SDK1: variants seen among roughly 807,000 people sequenced by gnomAD.
SDK1 encodes the protein protein sidekick-1.
In SDK1, 157 loss-of-function variants were observed where a neutral mutation model predicts 245.5. That is an observed-to-expected ratio of 0.64 (90% CI 0.56 to 0.73). The LOEUF is 0.73. SDK1 is among the 30% of genes least tolerant of loss of function. The pLI, the probability that SDK1 is intolerant of heterozygous loss-of-function variation, is 0.00. For synonymous variants in SDK1, 1,647 were observed against 1,278.5 expected (o/e 1.29, Z -6.15); for missense variants, 3,583 against 3,002.3 (o/e 1.19, Z -4.52).
intron 4 of SDK1, among the ~76,000 whole-genome samples, chr7:3,786,435 T>C (rs1780901697): frequency 6.6e-6 from 1 of 152,174 alleles, no homozygotes; most frequent in Admixed American, 6.5e-5. Flanking sequence ...ACCAGATAGT[T>C]TTGTGTTCAG....
chr7:3,980,966 A>T (rs1350602810), intron 13 of SDK1, among the ~76,000 whole-genome samples: 1 of 152,142 alleles, frequency 6.6e-6, no homozygotes, highest in Non-Finnish European at 1.5e-5. Context: ...GAAAAAAAGA[A>T]ATAGTTTATA....
At chr7:3,632,210 G>A (rs747423575) in intron 2 of SDK1, among the ~76,000 whole-genome samples, 18 of 152,174 alleles carry the variant, frequency 1.2e-4, no homozygotes, top group Middle Eastern at 3.2e-3. Flanking sequence ...GACGGTTCTA[G>A]TCATCTGTGC....
chr7:4,055,550 GTTGTT>G (rs1482316014), intron 19 of SDK1, among the ~76,000 whole-genome samples: 1 of 149,892 alleles, frequency 6.7e-6, no homozygotes, highest in Non-Finnish European at 1.5e-5. Flanking sequence ...TGTTGTTGTT[GTTGTT>G]TTTGTTTTTT....
At chr7:3,819,034 G>A (rs1210068329) in intron 4 of SDK1, among the ~76,000 whole-genome samples, 1 of 152,170 alleles carries the variant, frequency 6.6e-6, no homozygotes, top group Non-Finnish European at 1.5e-5. Flanking sequence ...TTCTTCTTAA[G>A]GTTTACAGCA....
At chr7:4,108,258 C>G (rs947738231) in intron 22 of SDK1, among the ~76,000 whole-genome samples, 19 of 152,188 alleles carry the variant, frequency 1.2e-4, no homozygotes, top group African/African-American at 4.3e-4. Flanking sequence ...TCAGTCCTGT[C>G]TGACTCAAGA....
At chr7:3,510,196 G>A (rs1207206947) in intron 1 of SDK1, among the ~76,000 whole-genome samples, 1 of 152,184 alleles carries the variant, frequency 6.6e-6, no homozygotes, top group Non-Finnish European at 1.5e-5. Context: ...ACCATTATGT[G>A]CTGCTAGTCA....
intron 1 of SDK1, among the ~76,000 whole-genome samples, chr7:3,521,491 A>G (rs1005048731): frequency 2.0e-5 from 3 of 152,250 alleles, no homozygotes; most frequent in African/African-American, 7.2e-5. Flanking sequence ...CATAAGCGTC[A>G]TAGTCCTGAC....
intron 5 of SDK1, among the ~76,000 whole-genome samples, chr7:3,918,168 A>G (rs1779450799): frequency 6.6e-6 from 1 of 152,132 alleles, no homozygotes; most frequent in African/African-American, 2.4e-5. Context: ...AGCATGGGCC[A>G]CGTGTCTTCC....
At chr7:3,687,860 G>A (rs938270612) in intron 4 of SDK1, among the ~76,000 whole-genome samples, 3 of 152,170 alleles carry the variant, frequency 2.0e-5, no homozygotes, top group South Asian at 2.1e-4. Flanking sequence ...GTAAGCTGTC[G>A]TCATTGCAGG....
intron 4 of SDK1, among the ~76,000 whole-genome samples, chr7:3,773,510 C>G (rs1780460925): frequency 6.6e-6 from 1 of 152,116 alleles, no homozygotes; most frequent in African/African-American, 2.4e-5. Context: ...AAGTCTCTGT[C>G]CAGTATATTA....
At chr7:4,229,339 G>T (rs1244955314) in intron 40 of SDK1, among the ~76,000 whole-genome samples, 3 of 152,148 alleles carry the variant, frequency 2.0e-5, no homozygotes, top group Non-Finnish European at 4.4e-5. Flanking sequence ...GCAGAAGTAA[G>T]CAGAATAAAA....
At chr7:4,198,399 C>G (rs944340507) in intron 35 of SDK1, among the ~76,000 whole-genome samples, 1 of 152,238 alleles carries the variant, frequency 6.6e-6, no homozygotes, top group Admixed American at 6.5e-5. Flanking sequence ...CCCCAGGGCT[C>G]TTTGCACTTG....
chr7:3,840,753 C>T (rs995663799), intron 5 of SDK1, among the ~76,000 whole-genome samples: 2 of 152,334 alleles, frequency 1.3e-5, no homozygotes, highest in African/African-American at 4.8e-5. Flanking sequence ...GGCAGAGCTA[C>T]TCGCAGTATG....
intron 5 of SDK1, among the ~76,000 whole-genome samples, chr7:3,924,256 G>C (rs1368931832): frequency 5.3e-5 from 8 of 152,144 alleles, no homozygotes; most frequent in Admixed American, 5.2e-4. Flanking sequence ...GCAGTTGCGT[G>C]GAAGGAGAGG....
chr7:3,821,471 G>T lies in SDK1; in HGVS notation c.735G>T (p.Gln245His). 6.2e-7 allele frequency: 1 copy of T among 1,613,556 alleles called. No homozygotes were observed. The highest frequency in any genetic ancestry group is 8.5e-7 in the Non-Finnish European group (1 of 1,179,772). The change falls in exon 5 of 45, where the codon CAG becomes CAT. Residue 245 changes from glutamine (Q) to histidine (H), a missense_variant. Physicochemically the swap from Gln to His is conservative, Grantham distance 24. Coordinates refer to ENST00000404826, the MANE Select transcript of SDK1 (RefSeq NM_152744.4). The stretch of plus-strand genomic sequence containing the variant: ...ACAGAGCCATCACATTGGAGAATCA[G>T]CTGGTGATCCTCGCCACCACAACCA... ...SNRIAITLEN[Q>H]LVILATTTSD...
At chr7:4,149,625 C>T (rs1380208528) in intron 30 of SDK1, among the ~76,000 whole-genome samples, 162 bp downstream of exon 30, 1 of 152,202 alleles carries the variant, frequency 6.6e-6, no homozygotes, top group Non-Finnish European at 1.5e-5. Context: ...AATCCCAGAA[C>T]TCCTGGGTCC....
At chr7:4,107,435 G>A (rs1783010928) in intron 22 of SDK1, among the ~76,000 whole-genome samples, 1 of 151,952 alleles carries the variant, frequency 6.6e-6, no homozygotes, top group Non-Finnish European at 1.5e-5. Context: ...ATTGATAAAA[G>A]GTGCTAAATT....
chr7:3,880,071 G>A (rs1427503204), intron 5 of SDK1, among the ~76,000 whole-genome samples: 1 of 152,086 alleles, frequency 6.6e-6, no homozygotes, highest in East Asian at 1.9e-4. Context: ...CCTTAATCCT[G>A]GATGCCAAGG....
chr7:4,149,264 C>T lies in SDK1; in HGVS notation c.4426C>T (p.Arg1476Trp), dbSNP rs368261349. 13 of 1,514,526 alleles carry T rather than the reference C, an allele frequency of 8.6e-6. No individual in the cohort carries two copies. Among genetic ancestry groups the T allele is most frequent in the Admixed American group, 4.3e-5 (2 of 46,006 alleles). 93.8% of individuals were successfully genotyped at this position (1,514,526 alleles called of 1,614,324 possible). The change falls in exon 30 of 45, where the codon CGG becomes TGG. Residue 1476 changes from arginine (R) to tryptophan (W), a missense_variant and splice_region_variant. Arg to Trp is a moderately radical substitution (Grantham distance 101, BLOSUM62 -3). Coordinates refer to ENST00000404826, the MANE Select transcript of SDK1 (RefSeq NM_152744.4). Reference sequence around the variant, plus strand: ...GGTCTGTCCTCATTTGGTTGCAGAGCGGCCGGCACCCCCCAGAGAGCTCCT... The same window carrying T: ...GGTCTGTCCTCATTTGGTTGCAGAGTGGCCGGCACCCCCCAGAGAGCTCCT... ...ATVITTEKRE[R>W]PAPPRELLVP...
Sources: allele counts gnomAD v4.1 joint callset (sites outside exome capture counted in the v4.1 genomes callset), GRCh38; gene constraint gnomAD v4.1.1; transcripts MANE v1.5; gene names NCBI Gene and HGNC (gene_info 2026-07-23, HGNC 2026-07-21).